GALNTL6: variants seen among roughly 807,000 people sequenced by gnomAD.
GALNTL6 encodes the protein polypeptide N-acetylgalactosaminyltransferase-like 6.
Under a neutral mutation model 73.7 loss-of-function variants are expected in GALNTL6, and 46 were observed. The observed-to-expected ratio is 0.62, with a 90% confidence interval of 0.49 to 0.80. The LOEUF (loss-of-function observed/expected upper bound fraction) is 0.80, where lower values mean the gene tolerates loss of function less well. Among genes scored for constraint, GALNTL6 ranks in the 30% least tolerant of loss-of-function variants. The pLI is 0.00. For missense variants in GALNTL6, 604 were observed against 755.0 expected (o/e 0.80, Z 2.34); for synonymous variants, 259 against 263.7 (o/e 0.98, Z 0.17).
intron 2 of GALNTL6, among the ~76,000 whole-genome samples, chr4:171,960,041 T>C (rs757422301): frequency 6.6e-6 from 1 of 152,172 alleles, no homozygotes. Flanking sequence ...TCATTATAGG[T>C]TTAACTAAAA....
intron 10 of GALNTL6, among the ~76,000 whole-genome samples, chr4:172,955,844 G>A (rs1198261220): frequency 3.3e-5 from 5 of 151,976 alleles, no homozygotes; most frequent in East Asian, 1.9e-4. Context: ...TGGCTGGCAC[G>A]GGTGGGGGTC....
chr4:172,382,244 C>T (rs905927030), intron 5 of GALNTL6, among the ~76,000 whole-genome samples: 4 of 151,122 alleles, frequency 2.6e-5, no homozygotes, highest in Non-Finnish European at 5.9e-5. Context: ...GCTGGGATTA[C>T]AAGAGTGAGC....
At chr4:172,377,832 G>A (rs1257878464) in intron 5 of GALNTL6, among the ~76,000 whole-genome samples, 1 of 152,118 alleles carries the variant, frequency 6.6e-6, no homozygotes, top group Non-Finnish European at 1.5e-5. Flanking sequence ...CGCTCTGAGT[G>A]CGGGGCCTGC....
intron 5 of GALNTL6, among the ~76,000 whole-genome samples, chr4:172,687,867 T>C (rs1422220231): frequency 6.6e-6 from 1 of 152,150 alleles, no homozygotes; most frequent in Non-Finnish European, 1.5e-5. Flanking sequence ...TTGCTGGCTT[T>C]TTCTTTAAAA....
chr4:172,184,644 C>G (rs1241023569), intron 2 of GALNTL6, among the ~76,000 whole-genome samples: 2 of 152,106 alleles, frequency 1.3e-5, no homozygotes, highest in African/African-American at 4.8e-5. Context: ...TTTCTAAAAA[C>G]ATTTCTAGTA....
chr4:172,998,002 T>G (rs529050091), intron 10 of GALNTL6, among the ~76,000 whole-genome samples: 8 of 152,356 alleles, frequency 5.3e-5, no homozygotes, highest in African/African-American at 1.9e-4. Flanking sequence ...ATATTTCTGC[T>G]GTGGGCTCTT....
intron 3 of GALNTL6, among the ~76,000 whole-genome samples, chr4:172,244,452 CTATT>C (rs1208093644): frequency 1.3e-5 from 2 of 152,084 alleles, no homozygotes; most frequent in Non-Finnish European, 2.9e-5. Flanking sequence ...TTCAATTTAA[CTATT>C]TGTTGCAAAA....
intron 7 of GALNTL6, among the ~76,000 whole-genome samples, chr4:172,825,867 C>CCCCCAG (rs1742238388): frequency 6.6e-6 from 1 of 152,096 alleles, no homozygotes; most frequent in African/African-American, 2.4e-5. Context: ...AGCCATTCCA[C>CCCCCAG]CAATTTAAAG....
chr4:172,276,972 T>C (rs1465671544), intron 3 of GALNTL6, among the ~76,000 whole-genome samples: 1 of 152,162 alleles, frequency 6.6e-6, no homozygotes, highest in African/African-American at 2.4e-5. Context: ...GGTTTGATAG[T>C]TTTGACCATT....
At chr4:172,614,348 G>T (rs1033592490) in intron 5 of GALNTL6, among the ~76,000 whole-genome samples, 1 of 152,114 alleles carries the variant, frequency 6.6e-6, no homozygotes, top group Non-Finnish European at 1.5e-5. Context: ...ACGTGCATCT[G>T]CAAAGCTGAA....
At chr4:172,553,192 A>G (rs568925168) in intron 5 of GALNTL6, among the ~76,000 whole-genome samples, 4 of 152,312 alleles carry the variant, frequency 2.6e-5, no homozygotes, top group South Asian at 2.1e-4. Context: ...TTCAAACCCA[A>G]TATTTATGCT....
At chr4:172,233,189 C>G (rs1033998732) in intron 3 of GALNTL6, among the ~76,000 whole-genome samples, 1 of 138,142 alleles carries the variant, frequency 7.2e-6, no homozygotes, top group African/African-American at 2.8e-5. Context: ...GGAAACATAG[C>G]GAGACCTCAT....
At chr4:171,943,231 A>G (rs1457630607) in intron 2 of GALNTL6, among the ~76,000 whole-genome samples, 1 of 152,224 alleles carries the variant, frequency 6.6e-6, no homozygotes, top group Non-Finnish European at 1.5e-5. Flanking sequence ...CAAGTACATC[A>G]GTAACTCTGG....
intron 5 of GALNTL6, among the ~76,000 whole-genome samples, chr4:172,498,846 T>C (rs943186615): frequency 7.9e-5 from 12 of 152,214 alleles, no homozygotes; most frequent in Admixed American, 2.6e-4. Flanking sequence ...AAAAAATTAT[T>C]CATAAGTAAA....
intron 7 of GALNTL6, among the ~76,000 whole-genome samples, chr4:172,841,707 A>G (rs1218936310): frequency 2.6e-5 from 4 of 152,154 alleles, no homozygotes; most frequent in Admixed American, 2.0e-4. Flanking sequence ...TCCACTCACT[A>G]TCGCAAGAAC....
chr4:172,469,829 C>G (rs975812726), intron 5 of GALNTL6, among the ~76,000 whole-genome samples: 1 of 151,856 alleles, frequency 6.6e-6, no homozygotes, highest in Non-Finnish European at 1.5e-5. Context: ...TAATTTGATC[C>G]TGATTTTACA....
At chr4:171,881,803 T>C (rs186324532) in intron 2 of GALNTL6, among the ~76,000 whole-genome samples, 1 of 152,210 alleles carries the variant, frequency 6.6e-6, no homozygotes, top group Admixed American at 6.5e-5. Context: ...CAAAAAACCT[T>C]CATGGTTTCA....
intron 5 of GALNTL6, among the ~76,000 whole-genome samples, chr4:172,468,206 C>T (rs950875941): frequency 1.3e-5 from 2 of 152,128 alleles, no homozygotes; most frequent in Non-Finnish European, 2.9e-5. Flanking sequence ...TTTCCCAATA[C>T]TGTGATTTAA....
At chr4:172,638,551 A>T (rs1739805817) in intron 5 of GALNTL6, among the ~76,000 whole-genome samples, 1 of 152,046 alleles carries the variant, frequency 6.6e-6, no homozygotes, top group African/African-American at 2.4e-5. Flanking sequence ...TTAGCTTCTC[A>T]TTTTAAAACA....
Sources: gnomAD v4.1 joint callset for allele counts (sites outside exome capture counted in the v4.1 genomes callset) on GRCh38, gnomAD v4.1.1 for gene constraint, MANE v1.5 for transcripts, NCBI Gene and HGNC (gene_info 2026-07-23, HGNC 2026-07-21) for gene names.